Variants in ZNF594 observed in about 807,000 individuals in gnomAD.
ZNF594 encodes the protein zinc finger protein 594.
For synonymous variants in ZNF594, 336 were observed against 309.4 expected (o/e 1.09, Z -0.90); for missense variants, 1,037 against 964.6 (o/e 1.08, Z -0.99).
rs558345314 is a variant in ZNF594 at position 5,182,222 on chromosome 17, G to T, written c.2035C>A (p.Pro679Thr). 6 of 1,613,478 alleles carry T rather than the reference G, an allele frequency of 3.7e-6. No homozygotes were observed. In the South Asian group the frequency reaches 4.4e-5, roughly 12 times the overall value. ...TTCCCACATTCACTGCACTGATAGG[G>T]TTTCTCTCCAGTATGGATTTTCTGG... ...THQKIHTGEK[P>T]YQCSECGNAF... Residue 679 changes from proline to threonine, a missense_variant, in exon 2 of 2, where the codon CCC becomes ACC. Pro to Thr is a conservative substitution (Grantham distance 38). Transcript: ENST00000575779.
chr17:5,190,257 A>T (rs914731869), intron 1 of ZNF594, among the ~76,000 whole-genome samples: 7 of 152,074 alleles, frequency 4.6e-5, no homozygotes, highest in Non-Finnish European at 1.0e-4. Flanking sequence ...AGTCCCAGCT[A>T]CTCGGAAGGC....
downstream of ZNF594, among the ~76,000 whole-genome samples, chr17:5,178,495 C>G (rs1250628559): frequency 6.6e-6 from 1 of 152,090 alleles, no homozygotes; most frequent in Admixed American, 6.5e-5. Context: ...GAAACCTGTT[C>G]CCTGGAATCA....
downstream of ZNF594, among the ~76,000 whole-genome samples, chr17:5,176,521 A>C (rs2074309000): frequency 6.6e-6 from 1 of 151,582 alleles, no homozygotes; most frequent in Non-Finnish European, 1.5e-5. Flanking sequence ...CAACTCTTTT[A>C]AGTGCCAGTC....
At chr17:5,185,490 G>A (rs2074380435) in intron 1 of ZNF594, among the ~76,000 whole-genome samples, 1 of 152,256 alleles carries the variant, frequency 6.6e-6, no homozygotes, top group East Asian at 1.9e-4. Context: ...TTCAAGATGA[G>A]ACTTGAGTGG....
At chr17:5,175,599 A>G (rs920970068), downstream of ZNF594, among the ~76,000 whole-genome samples, 7 of 152,206 alleles carry the variant, frequency 4.6e-5, no homozygotes, top group Admixed American at 1.3e-4. Context: ...AAGCAAGTAG[A>G]GAGCAGGTGG....
chr17:5,189,002 C>T (rs1272539081), intron 1 of ZNF594, among the ~76,000 whole-genome samples: 1 of 151,580 alleles, frequency 6.6e-6, no homozygotes, highest in Non-Finnish European at 1.5e-5. Flanking sequence ...CCGCCTTGGC[C>T]TCCCAAAGTG....
At chr17:5,190,260 C>T (rs968057080) in intron 1 of ZNF594, among the ~76,000 whole-genome samples, 5 of 152,072 alleles carry the variant, frequency 3.3e-5, no homozygotes, top group African/African-American at 1.2e-4. Flanking sequence ...CCCAGCTACT[C>T]GGAAGGCTGA....
At chr17:5,187,887 CT>C (rs58396316) in intron 1 of ZNF594, among the ~76,000 whole-genome samples, 7,673 of 132,476 alleles carry the variant, frequency 0.058, 262 homozygotes, top group East Asian at 0.14. Flanking sequence ...GCTGGATTTC[CT>C]TTTTTTTTTT....
At chr17:5,189,211 G>C (rs766486785) in intron 1 of ZNF594, among the ~76,000 whole-genome samples, 3 of 151,532 alleles carry the variant, frequency 2.0e-5, no homozygotes, top group Non-Finnish European at 4.4e-5. Flanking sequence ...CTCCCAAAGT[G>C]CTGGGGTTAT....
Position 5,181,057 on chromosome 17 carries a change from A to C in ZNF594, c.*776T>G, listed in dbSNP as rs775197069. 36 of 1,245,424 alleles carry C rather than the reference A, an allele frequency of 2.9e-5. No homozygotes were observed. Among genetic ancestry groups the C allele is most frequent in the Non-Finnish European group, 4.2e-5 (36 of 858,448 alleles). The allele number at this position is 1,245,424 out of a possible 1,614,324, so 77.1% of individuals were successfully genotyped here. ...CTGAAGGCCTTACCACAGTTGCTACATTCAAAGGGTTTCTCTCTGGTATGA... is the reference window on the plus strand; with the variant it reads ...CTGAAGGCCTTACCACAGTTGCTACCTTCAAAGGGTTTCTCTCTGGTATGA... On this transcript the variant is annotated 3_prime_UTR_variant, in exon 2 of 2. Transcript: ENST00000575779.
At chr17:5,176,395 CAA>C (rs34510280), downstream of ZNF594, among the ~76,000 whole-genome samples, 792 of 85,654 alleles carry the variant, frequency 9.2e-3, 4 homozygotes, top group African/African-American at 0.026. Context: ...AACTCTGTCT[CAA>C]AAAAAAAAAA....
rs1480444916 is a variant in ZNF594, at chr17:5,180,648, CAT to C, written c.*1183_*1184del. ...AAGAGTTCAAGTCCAGCCTGGGCAA[CAT>C]AGTGAGACCTCATCTCTTTGTATGT... On this transcript the variant is annotated 3_prime_UTR_variant, in exon 2 of 2. Coordinates refer to ENST00000575779, the MANE Select transcript of ZNF594 (RefSeq NM_032530.2). 9.1e-6 allele frequency: 2 copies of C among 220,532 alleles called. No individual in the cohort carries two copies. The highest frequency in any genetic ancestry group is 2.6e-4 in the East Asian group (2 of 7,784). The allele number at this position is 220,532 out of a possible 1,614,324, so 13.7% of individuals were successfully genotyped here.
rs780482966 is a variant in ZNF594, at chr17:5,182,107, AAG to A, written c.2148_2149del (p.Phe717HisfsTer19). The stretch of plus-strand genomic sequence containing the variant: ...TTTGAGGAAAGCCGTGTGCCACATG[AAG>A]AGTTTCCCACATTCCTTACATTCAT... On this transcript the variant is annotated frameshift_variant, in exon 2 of 2. Transcript: ENST00000575779. LOFTEE classifies it low-confidence loss of function (END_TRUNC). 40 of 1,613,400 alleles carry A rather than the reference AAG, an allele frequency of 2.5e-5. No homozygotes were observed. In the East Asian group the frequency reaches 6.7e-4, roughly 27 times the overall value.
In ZNF594 at chr17:5,182,541, C is replaced by T. The variant is rs1298158580; in HGVS notation, c.1716G>A (p.Gln572=). 4 of 1,613,742 alleles carry T rather than the reference C, an allele frequency of 2.5e-6. No homozygotes were observed. The highest frequency in any genetic ancestry group is 3.4e-6 in the Non-Finnish European group (4 of 1,179,906). Residue 572 remains glutamine (Q), a synonymous_variant, in exon 2 of 2, where the codon CAG becomes CAA. Coordinates refer to ENST00000575779, the MANE Select transcript of ZNF594 (RefSeq NM_032530.2). ...AGCTGCCCTGGAAAGCCCTACCACA[C>T]TGATTACACCAATAAGCTTTCGCTT... ...HQEAKAYWCN[Q]CGRAFQGSSD... is the part of the protein sequence containing the mutation.
Position 5,183,630 on chromosome 17 carries a change from A to T in ZNF594, c.627T>A (p.Asn209Lys). 1 of 1,614,158 alleles carries T rather than the reference A, an allele frequency of 6.2e-7. No homozygotes were observed. Residue 209 changes from asparagine (N) to lysine (K), a missense_variant, in exon 2 of 2, where the codon AAT (asparagine) becomes AAA (lysine). Physicochemically the swap from Asn to Lys is moderately conservative, Grantham distance 94 (BLOSUM62 0). Coordinates refer to ENST00000575779, the MANE Select transcript of ZNF594 (RefSeq NM_032530.2). Reference sequence around the variant, plus strand: ...TCCCACACTCTTTGCACTCATAGGGATTCCCACCACTGTGAATTTGCTTAT... The same window carrying T: ...TCCCACACTCTTTGCACTCATAGGGTTTCCCACCACTGTGAATTTGCTTAT... The part of the protein sequence containing the change: ...VRHKQIHSGG[N>K]PYECKECGKA...
intron 1 of ZNF594, among the ~76,000 whole-genome samples, chr17:5,187,481 G>A (rs1328179635): frequency 6.6e-6 from 1 of 152,136 alleles, no homozygotes; most frequent in Non-Finnish European, 1.5e-5. Context: ...GAGCTCCTTG[G>A]GAGAGTCATT....
Position 5,181,455 on chromosome 17 carries a change from A to C in ZNF594, c.*378T>G, listed in dbSNP as rs762191079. 103 of 1,613,706 alleles carry C rather than the reference A, an allele frequency of 6.4e-5. No homozygotes were observed. The highest frequency in any genetic ancestry group is 8.6e-5 in the Non-Finnish European group (102 of 1,179,836). ...TCCCCTAAGCTCCTCATCCTTGCTGAAGGTTTTCTCACGTTCTTCAAGTTT... is the reference window on the plus strand; with the variant it reads ...TCCCCTAAGCTCCTCATCCTTGCTGCAGGTTTTCTCACGTTCTTCAAGTTT... On this transcript the variant is annotated 3_prime_UTR_variant, in exon 2 of 2. Coordinates refer to ENST00000575779, the MANE Select transcript of ZNF594 (RefSeq NM_032530.2).
Position 5,184,135 on chromosome 17 carries a change from T to G in ZNF594, c.122A>C (p.Glu41Ala), listed in dbSNP as rs766951721. The G allele has an allele frequency of 6.2e-7, 1 of 1,614,246 alleles. No homozygotes were observed. The highest frequency in any genetic ancestry group is 2.2e-5 in the East Asian group (1 of 44,884). ...ECELVETSNS[E>A]DRLLKHWVSP... Reference sequence around the variant, plus strand: ...TACCCAGTGCTTCAATAATCTGTCCTCAGAATTACTGGTTTCAACTAACTC... The same window carrying G: ...TACCCAGTGCTTCAATAATCTGTCCGCAGAATTACTGGTTTCAACTAACTC... Residue 41 changes from glutamate to alanine, a missense_variant, in exon 2 of 2, where the codon GAG (glutamate) becomes GCG (alanine). Physicochemically the swap from Glu to Ala is moderately radical, Grantham distance 107. Coordinates refer to ENST00000575779, the MANE Select transcript of ZNF594 (RefSeq NM_032530.2).
rs758095607 is a variant in ZNF594 at position 5,179,903 on chromosome 17, T to C, written c.*1930A>G. On this transcript the variant is annotated 3_prime_UTR_variant, in exon 2 of 2. Coordinates refer to ENST00000575779, the MANE Select transcript of ZNF594 (RefSeq NM_032530.2). ...ATGCAGTTTGGTAAACATAATCTTT[T>C]AAGACACAGGACATAGGGGAGTAAA... is the stretch of plus-strand genomic sequence containing the variant. 4 of 152,072 alleles carry C rather than the reference T, an allele frequency of 2.6e-5. No individual in the cohort carries two copies. The highest frequency in any genetic ancestry group is 5.9e-5 in the Non-Finnish European group (4 of 68,026). 9.4% of individuals were successfully genotyped at this position (152,072 alleles called of 1,614,324 possible). A position where few individuals can be genotyped will look rare whatever the true frequency, so the allele number is the denominator to read the frequency against.
Sources: gnomAD v4.1 joint callset for allele counts (sites outside exome capture counted in the v4.1 genomes callset) on GRCh38, gnomAD v4.1.1 for gene constraint, MANE v1.5 for transcripts, NCBI Gene and HGNC (gene_info 2026-07-23, HGNC 2026-07-21) for gene names.